The following TNS3 variants were observed in gnomAD, a reference collection of about 807,000 sequenced individuals.
The protein encoded by TNS3 is tensin-3.
TNS3 carries 45 observed loss-of-function variants against 140.9 expected under a neutral mutation model. The ratio of observed to expected loss-of-function variants is 0.32; its 90% CI spans 0.25 to 0.41. The LOEUF is 0.41. Among genes scored for constraint, TNS3 ranks in the 10% least tolerant of loss-of-function variants. The probability of loss-of-function intolerance (pLI) is 1.00; values close to 1 mark genes in which losing one functional copy is unlikely to be tolerated. For synonymous variants in TNS3, 815 were observed against 788.4 expected (o/e 1.03, Z -0.56); for missense variants, 1,716 against 1,906.7 (o/e 0.90, Z 1.86).
chr7:47,564,813 C>T, intron 1 of TNS3, among the ~76,000 whole-genome samples: 1 of 151,874 alleles, frequency 6.6e-6, no homozygotes, highest in Middle Eastern at 3.4e-3. Context: ...TTGGCTGCCT[C>T]CCCGACCCTA....
intron 1 of TNS3, among the ~76,000 whole-genome samples, chr7:47,570,421 C>A (rs1222943564): frequency 6.6e-6 from 1 of 152,234 alleles, no homozygotes; most frequent in Non-Finnish European, 1.5e-5. Flanking sequence ...TTCAATAACA[C>A]AACAACTTGC....
chr7:47,492,620 C>G (rs1254829447), intron 3 of TNS3, among the ~76,000 whole-genome samples: 1 of 152,238 alleles, frequency 6.6e-6, no homozygotes, highest in Non-Finnish European at 1.5e-5. Context: ...GCTTTTATTT[C>G]TGCTTCAAGA....
chr7:47,389,080 A>AGAAGAAGAAGAG (rs1792310225), intron 16 of TNS3, among the ~76,000 whole-genome samples: 5 of 65,840 alleles, frequency 7.6e-5, no homozygotes, highest in African/African-American at 2.0e-4. Context: ...AAGAAGAAGA[A>AGAAGAAGAAGAG]GAAGAGGAAG....
At chr7:47,351,843 C>T (rs1789692246) in intron 17 of TNS3, among the ~76,000 whole-genome samples, 1 of 152,106 alleles carries the variant, frequency 6.6e-6, no homozygotes, top group Admixed American at 6.5e-5. Context: ...AGGAGTGCTC[C>T]CTGGAGACTG....
chr7:47,325,651 C>T (rs1787987757), intron 20 of TNS3, among the ~76,000 whole-genome samples: 1 of 152,154 alleles, frequency 6.6e-6, no homozygotes, highest in South Asian at 2.1e-4. Context: ...TTTACAGTCC[C>T]TCCTGATAGG....
At chr7:47,355,690 C>T (rs922723386) in intron 17 of TNS3, among the ~76,000 whole-genome samples, 1 of 152,194 alleles carries the variant, frequency 6.6e-6, no homozygotes. Context: ...TGTCCAAATA[C>T]ACTGAACTCC....
intron 4 of TNS3, among the ~76,000 whole-genome samples, chr7:47,445,273 T>C (rs1795671393): frequency 2.0e-5 from 3 of 152,074 alleles, no homozygotes; most frequent in Non-Finnish European, 4.4e-5. Context: ...GCAGCTTCCA[T>C]AGCACAACCC....
rs1350810168 is a variant in TNS3, at chr7:47,293,786, T to G, written c.3719A>C (p.Glu1240Ala). The change falls in exon 25 of 31, where the codon GAG (glutamate) becomes GCG (alanine). Residue 1240 changes from glutamate (E) to alanine (A), a missense_variant. This residue lies in a region of TNS3 where 216 missense variants were observed against 295.7 expected (regional missense o/e 0.73). Coordinates refer to ENST00000311160, the MANE Select transcript of TNS3 (RefSeq NM_022748.12). ...ANELVRHFLI[E>A]CTPKGVRLKG... ...CAACCGCACTCCCTTCGGGGTACAC[T>G]CGATCAAAAAGTGCCGGACGAGTTC... 3 of 1,613,992 alleles carry G rather than the reference T, an allele frequency of 1.9e-6. No individual in the cohort carries two copies. Among genetic ancestry groups the G allele is most frequent in the Non-Finnish European group, 2.5e-6 (3 of 1,180,032 alleles).
rs1291714601 is a variant in TNS3, at chr7:47,413,977, G to A, written c.607C>T (p.Leu203Phe). 1 of 1,613,898 alleles carries A rather than the reference G, an allele frequency of 6.2e-7. No homozygotes were observed. The highest frequency in any genetic ancestry group is 1.7e-5 in the Admixed American group (1 of 59,996). Residue 203 changes from leucine (L) to phenylalanine (F), a missense_variant, in exon 12 of 31, where the codon CTC becomes TTC. By Grantham distance (22) the Leu-to-Phe change is conservative (BLOSUM62 0). Coordinates refer to ENST00000311160, the MANE Select transcript of TNS3 (RefSeq NM_022748.12). ...TGGVCRPFLK[L>F]YQAMQPVYTS... ...TACACAGGCTGCATGGCTTGGTAGA[G>A]CTTCAGAAAGGGCCGGCACACTGAA...
At chr7:47,497,527 T>C (rs1423998530) in intron 3 of TNS3, among the ~76,000 whole-genome samples, 1 of 152,282 alleles carries the variant, frequency 6.6e-6, no homozygotes, top group East Asian at 1.9e-4. Flanking sequence ...CATTCTTCTC[T>C]TTTATGAGTC....
At chr7:47,489,190 C>T (rs1797721539) in intron 3 of TNS3, among the ~76,000 whole-genome samples, 2 of 152,202 alleles carry the variant, frequency 1.3e-5, no homozygotes, top group Admixed American at 1.3e-4. Context: ...TAAACCTTCT[C>T]AGCCTGCGGG....
chr7:47,303,503 T>A lies in TNS3; in HGVS notation c.2904A>T (p.Gly968=). 1 of 1,609,444 alleles carries A rather than the reference T, an allele frequency of 6.2e-7. No individual in the cohort carries two copies. Among genetic ancestry groups the A allele is most frequent in the South Asian group, 1.1e-5 (1 of 90,944 alleles). ...VSLLGSGRPT[G]SPLSAEFSGT... is the part of the protein sequence containing the mutation. The stretch of plus-strand genomic sequence containing the variant: ...CGGAGAACTCAGCGCTGAGGGGACT[T>A]CCGGTGGGCCGGCCGCTCCCCAGCA... Residue 968 remains glycine, a synonymous_variant, in exon 22 of 31, where the codon GGA becomes GGT. Coordinates refer to ENST00000311160, the MANE Select transcript of TNS3 (RefSeq NM_022748.12).
At chr7:47,524,771 C>T (rs796862986) in intron 2 of TNS3, among the ~76,000 whole-genome samples, 13 of 129,310 alleles carry the variant, frequency 1.0e-4, no homozygotes, top group African/African-American at 2.3e-4. Flanking sequence ...CACTGCAGTC[C>T]GCAGTCCGGC....
At chr7:47,365,825 G>A (rs1314296618) in intron 17 of TNS3, among the ~76,000 whole-genome samples, 1 of 152,182 alleles carries the variant, frequency 6.6e-6, no homozygotes, top group Non-Finnish European at 1.5e-5. Context: ...CAAACTGAGG[G>A]TGGATAATAT....
At chr7:47,311,459 G>C (rs1284066607) in intron 20 of TNS3, among the ~76,000 whole-genome samples, 1 of 151,684 alleles carries the variant, frequency 6.6e-6, no homozygotes, top group Non-Finnish European at 1.5e-5. Flanking sequence ...TATATAGAGA[G>C]AGAGAGAGAA....
intron 21 of TNS3, among the ~76,000 whole-genome samples, chr7:47,304,451 G>A (rs1205287063): frequency 1.1e-4 from 16 of 152,328 alleles, no homozygotes; most frequent in African/African-American, 3.8e-4. Flanking sequence ...CCTACTCTGA[G>A]CAAGTGGAAT....
chr7:47,420,361 T>C (rs189837281), intron 10 of TNS3, among the ~76,000 whole-genome samples: 3 of 152,304 alleles, frequency 2.0e-5, no homozygotes, highest in Admixed American at 1.3e-4. Context: ...CGTTTCCTGA[T>C]GGTCCACGCC....
At chr7:47,284,760 A>T (rs923986667) in intron 27 of TNS3, among the ~76,000 whole-genome samples, 3 of 152,190 alleles carry the variant, frequency 2.0e-5, no homozygotes, top group Non-Finnish European at 4.4e-5. Flanking sequence ...TGGGTGTCTT[A>T]ATTCCGTGGT....
intron 16 of TNS3, among the ~76,000 whole-genome samples, chr7:47,376,874 T>A (rs749926798): frequency 5.9e-5 from 9 of 152,172 alleles, no homozygotes; most frequent in Non-Finnish European, 1.2e-4. Flanking sequence ...GCCGCTGCAG[T>A]GATGGTCACA....
Sources: gnomAD v4.1 joint callset for allele counts (sites outside exome capture counted in the v4.1 genomes callset) on GRCh38, gnomAD v4.1.1 for gene constraint, gnomAD v4.1.1 regional missense constraint, MANE v1.5 for transcripts, NCBI Gene and HGNC (gene_info 2026-07-23, HGNC 2026-07-21) for gene names.